SMC4: variants seen among roughly 807,000 people sequenced by gnomAD.
SMC4 encodes structural maintenance of chromosomes protein 4.
Under a neutral mutation model 145.6 loss-of-function variants are expected in SMC4, and 87 were observed. That is an observed-to-expected ratio of 0.60 (90% confidence interval 0.50 to 0.71). The LOEUF (loss-of-function observed/expected upper bound fraction) is 0.71. SMC4 is among the 30% of genes least tolerant of loss of function. The pLI, the probability that SMC4 is intolerant of heterozygous loss-of-function variation, is 0.00. For synonymous variants in SMC4, 558 were observed against 500.7 expected (o/e 1.11, Z -1.53); for missense variants, 1,447 against 1,537.1 (o/e 0.94, Z 0.98).
intron 8 of SMC4, chr3:160,414,158 T>A (rs1439169376): frequency 3.5e-6 from 2 of 571,066 alleles, no homozygotes; most frequent in Non-Finnish European, 6.7e-6. Flanking sequence ...TCCCTCCAAC[T>A]TAGAAAGGCA....
chr3:160,427,471 T>C (rs1366747199), intron 17 of SMC4, among the ~76,000 whole-genome samples: 1 of 152,182 alleles, frequency 6.6e-6, no homozygotes, highest in Non-Finnish European at 1.5e-5. Flanking sequence ...ACAATGGCTT[T>C]GATGGTACCT....
Position 160,401,918 on chromosome 3 carries a change from C to A in SMC4, c.143C>A (p.Thr48Asn). The change falls in exon 3 of 24, where the codon ACT becomes AAT. Residue 48 changes from threonine (T) to asparagine (N), a missense_variant. Physicochemically the swap from Thr to Asn is moderately conservative, Grantham distance 65. Transcript: ENST00000357388. The part of the protein sequence containing the change: ...RTESPATAAE[T>N]ASEELDNRSL... ...TCCTTTCCTTTCACTGACTTAGAGA[C>A]TGCAAGTGAGGAACTTGATAATAGA... 1 of 1,601,340 alleles carries A rather than the reference C, an allele frequency of 6.2e-7. No individual in the cohort carries two copies. The highest frequency in any genetic ancestry group is 8.5e-7 in the Non-Finnish European group (1 of 1,174,902).
intron 1 of SMC4, 134 bp from the exon 2 acceptor site, chr3:160,400,688 C>A (rs1375968300): frequency 8.5e-7 from 1 of 1,173,988 alleles, no homozygotes; most frequent in Non-Finnish European, 1.1e-6. Context: ...GCTCCCTTCC[C>A]GAAGTCCCGC....
chr3:160,422,081 C>G (rs1479706659), intron 13 of SMC4, among the ~76,000 whole-genome samples: 1 of 152,180 alleles, frequency 6.6e-6, no homozygotes, highest in East Asian at 1.9e-4. Flanking sequence ...TCTGTTACAT[C>G]ATTTTGTATA....
At chr3:160,411,442 G>C (rs536590790) in intron 5 of SMC4, among the ~76,000 whole-genome samples, 26 of 152,234 alleles carry the variant, frequency 1.7e-4, no homozygotes, top group Admixed American at 5.9e-4. Flanking sequence ...ATACTACTTT[G>C]GGACAGGGTT....
At chr3:160,403,859 T>A (rs1448774788) in intron 4 of SMC4, 1 of 152,038 alleles carries the variant, frequency 6.6e-6, no homozygotes, top group East Asian at 1.9e-4. Context: ...TTCTTTTTAC[T>A]TTAAATTAAC....
chr3:160,423,860 T>C lies in SMC4; in HGVS notation c.2325+20T>C, dbSNP rs114987571. On this transcript the variant is annotated intron_variant, in intron 15 of 23. Transcript: ENST00000357388. ...GAAGAGGTCAGCATATCTAAAATTG[T>C]ATCCAGACTTTTTTTTTTTTTTAAA... 230 of 1,578,018 alleles carry C rather than the reference T, an allele frequency of 1.5e-4. No individual in the cohort carries two copies. The African/African-American group carries it at 2.9e-3, about 20-fold the overall frequency.
chr3:160,404,389 G>A lies in SMC4; in HGVS notation c.572G>A (p.Arg191Lys). Residue 191 changes from arginine (R) to lysine (K), a missense_variant, in exon 5 of 24, where the codon AGA (arginine) becomes AAA (lysine). Arg to Lys is a conservative substitution (Grantham distance 26). Coordinates refer to ENST00000357388, the MANE Select transcript of SMC4 (RefSeq NM_001002800.3). ...TTCTATGTATCCAGAACGGCCTGCA[G>A]AGATAATACTTCTGTCTATCACATA... ...SNFYVSRTAC[R>K]DNTSVYHISG... 1 of 1,611,064 alleles carries A rather than the reference G, an allele frequency of 6.2e-7. No individual in the cohort carries two copies. Among genetic ancestry groups the A allele is most frequent in the Non-Finnish European group, 8.5e-7 (1 of 1,179,002 alleles).
At position 160,430,584 on chromosome 3, in the gene SMC4, A is replaced by G. The variant is rs1718293990; in HGVS notation, c.2796-15A>G. 1 of 1,544,968 alleles carries G rather than the reference A, an allele frequency of 6.5e-7. No individual in the cohort carries two copies. Among genetic ancestry groups the G allele is most frequent in the Non-Finnish European group, 8.7e-7 (1 of 1,148,500 alleles). On this transcript the variant is annotated splice_polypyrimidine_tract_variant and intron_variant, in intron 18 of 23. Coordinates refer to ENST00000357388, the MANE Select transcript of SMC4 (RefSeq NM_001002800.3). ...CACCTTACCACATTTTTGATGCATC[A>G]TTTTGCTTCTTTAGAAACCTTCAAA...
chr3:160,415,562 A>C (rs1716493694), intron 9 of SMC4, among the ~76,000 whole-genome samples: 1 of 152,274 alleles, frequency 6.6e-6, no homozygotes, highest in African/African-American at 2.4e-5. Flanking sequence ...TGTTCACAAA[A>C]TACTTTCTGC....
intron 16 of SMC4, among the ~76,000 whole-genome samples, chr3:160,425,339 A>G (rs1021204078): frequency 2.0e-5 from 3 of 152,116 alleles, no homozygotes; most frequent in Non-Finnish European, 4.4e-5. Context: ...TGAAAAAGCA[A>G]TGCACGCCCA....
rs1434830191 is a variant in SMC4 at position 160,423,504 on chromosome 3, A to G, written c.2099A>G (p.Lys700Arg). The G allele has an allele frequency of 1.2e-6, 2 of 1,613,870 alleles. No homozygotes were observed. Among genetic ancestry groups the G allele is most frequent in the Admixed American group, 3.3e-5 (2 of 60,020 alleles). ...CGTTTATTTGATTTAGTAAAAGTAA[A>G]AGATGAGAAAATTCGCCAAGCTTTT... is the stretch of plus-strand genomic sequence containing the variant. ...TPRLFDLVKV[K>R]DEKIRQAFYF... Residue 700 changes from lysine (K) to arginine (R), a missense_variant, in exon 14 of 24, where the codon AAA (lysine) becomes AGA (arginine). Transcript: ENST00000357388.
At chr3:160,425,250 C>T (rs1398783294) in intron 16 of SMC4, among the ~76,000 whole-genome samples, 4 of 152,106 alleles carry the variant, frequency 2.6e-5, no homozygotes, top group Non-Finnish European at 5.9e-5. Context: ...GTTTGTACTC[C>T]ATAGAAACAT....
At chr3:160,427,075 C>T (rs73154596) in intron 17 of SMC4, among the ~76,000 whole-genome samples, 22,830 of 152,134 alleles carry the variant, frequency 0.15, 2,179 homozygotes, top group Non-Finnish European at 0.21. Context: ...GACACATTTC[C>T]ACAATGCATA....
chr3:160,431,807 C>A lies in SMC4; in HGVS notation c.3279C>A (p.Ile1093=). ...AAATGAAACCAAACCTCGGTGCCAT[C>A]GCAGAGTATAAAAAGAAGGTATGAA... ...CHEMKPNLGA[I]AEYKKKEELY... Residue 1093 remains isoleucine, a synonymous_variant, in exon 21 of 24, where the codon ATC becomes ATA. Coordinates refer to ENST00000357388, the MANE Select transcript of SMC4 (RefSeq NM_001002800.3). The A allele has an allele frequency of 6.2e-7, 1 of 1,612,834 alleles. No individual in the cohort carries two copies. The highest frequency in any genetic ancestry group is 8.5e-7 in the Non-Finnish European group (1 of 1,179,792).
chr3:160,416,530 C>A, intron 10 of SMC4, 115 bp downstream of exon 10: 3 of 579,822 alleles, frequency 5.2e-6, no homozygotes, highest in Non-Finnish European at 8.6e-6. Context: ...TTTTAATGTC[C>A]AACATTCCTA....
At chr3:160,425,352 GT>G (rs1346395422) in intron 16 of SMC4, among the ~76,000 whole-genome samples, 1 of 151,742 alleles carries the variant, frequency 6.6e-6, no homozygotes, top group East Asian at 1.9e-4. Context: ...CACGCCCACT[GT>G]TTTTTTAATA....
chr3:160,427,584 G>C (rs1178152132), intron 17 of SMC4, among the ~76,000 whole-genome samples: 1 of 152,146 alleles, frequency 6.6e-6, no homozygotes, highest in Non-Finnish European at 1.5e-5. Context: ...TATTTGAAAA[G>C]GAATCCTTGA....
chr3:160,426,703 C>T (rs1717831861), intron 17 of SMC4, among the ~76,000 whole-genome samples: 1 of 152,154 alleles, frequency 6.6e-6, no homozygotes, highest in Non-Finnish European at 1.5e-5. Flanking sequence ...AAGGAATTCA[C>T]AGGCAGAATT....
Sources: gnomAD v4.1 joint callset for allele counts (sites outside exome capture counted in the v4.1 genomes callset) on GRCh38, gnomAD v4.1.1 for gene constraint, MANE v1.5 for transcripts, NCBI Gene and HGNC (gene_info 2026-07-23, HGNC 2026-07-21) for gene names.